The following ALKBH5 variants were observed in gnomAD, a reference collection of about 807,000 sequenced individuals.
The protein encoded by ALKBH5 is RNA demethylase ALKBH5.
A neutral mutation model predicts 32.1 loss-of-function variants in ALKBH5; 2 were observed. That is an observed-to-expected ratio of 0.06 (90% confidence interval 0.03 to 0.20). The LOEUF (loss-of-function observed/expected upper bound fraction) is 0.20, where lower values mean the gene tolerates loss of function less well. Ranked by LOEUF, ALKBH5 falls within the 10% of genes least tolerant of loss-of-function variation. The pLI is 1.00. For synonymous variants in ALKBH5, 300 were observed against 231.7 expected (o/e 1.29, Z -2.68); for missense variants, 352 against 559.5 (o/e 0.63, Z 3.74).
Position 18,186,594 on chromosome 17 carries a change from A to G in ALKBH5, c.770+1581A>G, listed in dbSNP as rs149464452. On this transcript the variant is annotated intron_variant, in intron 1 of 3. Coordinates refer to ENST00000399138, the MANE Select transcript of ALKBH5 (RefSeq NM_017758.4). The stretch of plus-strand genomic sequence containing the variant: ...TTGGGACTACTACTCTCCTTAACAC[A>G]TGCCCACCCTGTATTTTAAGAACAG... Among the ~76,000 whole-genome samples the G allele has an allele frequency of 3.0e-3, 450 of 152,270 alleles. 2 individuals carry two copies. Among genetic ancestry groups the G allele is most frequent in the African/African-American group, 0.01 (423 of 41,554 alleles).
intron 1 of ALKBH5, among the ~76,000 whole-genome samples, chr17:18,192,457 C>T (rs916703298): frequency 6.6e-6 from 1 of 152,154 alleles, no homozygotes; most frequent in Non-Finnish European, 1.5e-5. Flanking sequence ...TTTTTAAAAT[C>T]TTGTAATATT....
chr17:18,201,777 AGATAGATAGGATAGATAAGATAGAT>A (rs2142485412), intron 2 of ALKBH5, among the ~76,000 whole-genome samples: 1 of 124,548 alleles, frequency 8.0e-6, no homozygotes, highest in Non-Finnish European at 1.8e-5. Context: ...ATAGATAGAT[AGATAGATAGGATAGATAAGATAGAT>A]AGATAGATAG....
At chr17:18,185,103 G>GT in intron 1 of ALKBH5, 90 bp downstream of exon 1, 5 of 1,521,838 alleles carry the variant, frequency 3.3e-6, no homozygotes, top group Non-Finnish European at 4.4e-6. Flanking sequence ...AGGAGTCTGC[G>GT]TTTTTTACAG....
chr17:18,184,465 G>T lies in ALKBH5; in HGVS notation c.222G>T (p.Gln74His). ...SDPERSDYEEQQLQKEEEARK... is the reference protein window; with the variant it reads ...SDPERSDYEEHQLQKEEEARK... ...CCGAGCGCAGCGACTATGAGGAGCA[G>T]CAGCTGCAGAAGGAGGAGGAGGCGC... Residue 74 changes from glutamine to histidine, a missense_variant, in exon 1 of 4, where the codon CAG (glutamine) becomes CAT (histidine). Around this residue, in one of 4 missense-constraint regions of ALKBH5, gnomAD observed 144 missense variants for 125.8 expected, o/e 1.14. Coordinates refer to ENST00000399138, the MANE Select transcript of ALKBH5 (RefSeq NM_017758.4). 1.2e-6 allele frequency: 2 copies of T among 1,612,256 alleles called. No individual in the cohort carries two copies. Among genetic ancestry groups the T allele is most frequent in the South Asian group, 1.1e-5 (1 of 91,028 alleles).
At chr17:18,202,641 G>A (rs1042778869) in intron 2 of ALKBH5, among the ~76,000 whole-genome samples, 2 of 152,238 alleles carry the variant, frequency 1.3e-5, no homozygotes, top group East Asian at 3.9e-4. Context: ...GCTGGCTGGG[G>A]ACTGCCCTCG....
intron 1 of ALKBH5, among the ~76,000 whole-genome samples, chr17:18,193,614 A>G (rs1597838064): frequency 6.6e-6 from 1 of 152,268 alleles, no homozygotes; most frequent in East Asian, 1.9e-4. Context: ...CAGATTTCCA[A>G]ATCAGAGGTG....
intron 3 of ALKBH5, 71 bp downstream of exon 3, chr17:18,207,041 T>G: frequency 1.3e-6 from 2 of 1,559,178 alleles, no homozygotes; most frequent in Non-Finnish European, 1.7e-6. Context: ...TGGAGAAGCC[T>G]GGGGTAGGCT....
rs1362870392 is a variant in ALKBH5 at position 18,209,429 on chromosome 17, C to T, written c.*1033C>T. On this transcript the variant is annotated 3_prime_UTR_variant, in exon 4 of 4. Transcript: ENST00000399138. ...GCGCCTGCCCCATCTTGTCTGCCGGCAGCATGCATCCAAGGCCAGAGCTCA... is the reference window on the plus strand; with the variant it reads ...GCGCCTGCCCCATCTTGTCTGCCGGTAGCATGCATCCAAGGCCAGAGCTCA... 6.6e-6 allele frequency: 1 copy of T among 152,576 alleles called. No individual in the cohort carries two copies. The highest frequency in any genetic ancestry group is 2.4e-5 in the African/African-American group (1 of 41,414). 9.5% of individuals were successfully genotyped at this position (152,576 alleles called of 1,614,324 possible).
chr17:18,201,524 G>T (rs559322020), intron 2 of ALKBH5, among the ~76,000 whole-genome samples: 1 of 152,192 alleles, frequency 6.6e-6, no homozygotes, highest in Non-Finnish European at 1.5e-5. Flanking sequence ...TTGGGAAGCC[G>T]AGGTGGGCGG....
rs2047291965 is a variant in ALKBH5 at position 18,209,478 on chromosome 17, T to G, written c.*1082T>G. The G allele has an allele frequency of 6.6e-6, 1 of 152,292 alleles. No individual in the cohort carries two copies. The highest frequency in any genetic ancestry group is 2.4e-5 in the African/African-American group (1 of 41,258). 9.4% of individuals were successfully genotyped at this position (152,292 alleles called of 1,614,324 possible). A position where few individuals can be genotyped will look rare whatever the true frequency, so the allele number is the denominator to read the frequency against. On this transcript the variant is annotated 3_prime_UTR_variant, in exon 4 of 4. Coordinates refer to ENST00000399138, the MANE Select transcript of ALKBH5 (RefSeq NM_017758.4). ...CAGGCCTGCAGACTGGGCTGGTGCCTCCTCCGCTTCAGGGTATGGGAGTTG... is the reference window on the plus strand; with the variant it reads ...CAGGCCTGCAGACTGGGCTGGTGCCGCCTCCGCTTCAGGGTATGGGAGTTG...
In ALKBH5 at chr17:18,199,462, C is replaced by A. The variant is rs547919615; in HGVS notation, c.851+4427C>A. ...CCTAGTGCTCCTGCACTAGTGCACT[C>A]TGTGCTTCTGCTCCTGGTAGGCCTT... On this transcript the variant is annotated intron_variant, in intron 2 of 3. Coordinates refer to ENST00000399138, the MANE Select transcript of ALKBH5 (RefSeq NM_017758.4). 2.0e-4 allele frequency among the ~76,000 whole-genome samples: 31 copies of A among 152,340 alleles called. No homozygotes were observed. In the South Asian group the frequency reaches 6.2e-3, roughly 31 times the overall value.
At chr17:18,204,517 T>A (rs186866881) in intron 2 of ALKBH5, among the ~76,000 whole-genome samples, 3 of 151,578 alleles carry the variant, frequency 2.0e-5, no homozygotes, top group Admixed American at 1.3e-4. Flanking sequence ...ATCCTAGCAG[T>A]TTGGGAGGCT....
At chr17:18,205,511 C>T (rs1362315218) in intron 2 of ALKBH5, among the ~76,000 whole-genome samples, 1 of 152,200 alleles carries the variant, frequency 6.6e-6, no homozygotes, top group East Asian at 1.9e-4. Context: ...AAGGAGATGC[C>T]CCTGCTGCCT....
intron 2 of ALKBH5, among the ~76,000 whole-genome samples, chr17:18,204,449 TAAAA>T (rs35918446): frequency 7.0e-6 from 1 of 142,430 alleles, no homozygotes; most frequent in Non-Finnish European, 1.5e-5. Flanking sequence ...AAAACTCTCT[TAAAA>T]AAAAAAAAAA....
chr17:18,201,803 AG>A (rs2047240276), intron 2 of ALKBH5, among the ~76,000 whole-genome samples: 1 of 53,590 alleles, frequency 1.9e-5, no homozygotes, highest in Admixed American at 1.9e-4. Flanking sequence ...TAAGATAGAT[AG>A]ATAGATAGAT....
In ALKBH5 at chr17:18,185,320, A is replaced by G. The variant is rs565321267; in HGVS notation, c.770+307A>G. On this transcript the variant is annotated intron_variant, in intron 1 of 3. Coordinates refer to ENST00000399138, the MANE Select transcript of ALKBH5 (RefSeq NM_017758.4). ...TTGATTTTTTTTTTTCCCACCATCC[A>G]TTTCTTAGCATAAGTCCCTTTGTGA... Among the ~76,000 whole-genome samples the G allele has an allele frequency of 5.3e-5, 8 of 150,614 alleles. No individual in the cohort carries two copies. In the East Asian group the frequency reaches 5.9e-4, roughly 11 times the overall value.
chr17:18,192,648 CA>C (rs2047183335), intron 1 of ALKBH5, among the ~76,000 whole-genome samples: 1 of 152,184 alleles, frequency 6.6e-6, no homozygotes, highest in African/African-American at 2.4e-5. Context: ...CTCTTCAACT[CA>C]CTAACTCCTG....
At position 18,200,728 on chromosome 17, in the gene ALKBH5, G is replaced by C. The variant is rs138348405; in HGVS notation, c.851+5693G>C. ...ACCTGAAGGTAGTCAAGGATGCTTG[G>C]ACCTTAGCCAGCATAGAATGAGGCT... On this transcript the variant is annotated intron_variant, in intron 2 of 3. Transcript: ENST00000399138. 5.3e-3 allele frequency among the ~76,000 whole-genome samples: 814 copies of C among 152,286 alleles called. 6 individuals carry two copies. Among genetic ancestry groups the C allele is most frequent in the South Asian group, 7.5e-3 (36 of 4,830 alleles).
intron 1 of ALKBH5, among the ~76,000 whole-genome samples, chr17:18,185,715 G>A (rs2142466996): frequency 6.6e-6 from 1 of 152,318 alleles, no homozygotes; most frequent in East Asian, 1.9e-4. Flanking sequence ...TTACAGTTGC[G>A]TGAGCAGCAG....
Sources: gnomAD v4.1 joint callset for allele counts (sites outside exome capture counted in the v4.1 genomes callset) on GRCh38, gnomAD v4.1.1 for gene constraint, gnomAD v4.1.1 regional missense constraint, MANE v1.5 for transcripts, NCBI Gene and HGNC (gene_info 2026-07-23, HGNC 2026-07-21) for gene names.